Variants in COMMD1 observed in about 807,000 individuals in gnomAD.
The protein encoded by COMMD1 is copper metabolism domain containing 1, also known as COMM domain-containing protein 1.
Under a neutral mutation model 17.2 loss-of-function variants are expected in COMMD1, and 10 were observed. That is an observed-to-expected ratio of 0.58 (90% confidence interval 0.36 to 0.99). The LOEUF is 0.99. COMMD1 is among the 50% of genes least tolerant of loss of function. The probability of loss-of-function intolerance (pLI) is 0.01; values close to 1 mark genes in which losing one functional copy is unlikely to be tolerated. For missense variants in COMMD1, 270 were observed against 231.8 expected (o/e 1.17, Z -1.07); for synonymous variants, 97 against 91.6 (o/e 1.06, Z -0.34).
intron 1 of COMMD1, among the ~76,000 whole-genome samples, chr2:61,907,890 C>T (rs1669812367): frequency 6.6e-6 from 1 of 152,074 alleles, no homozygotes; most frequent in Admixed American, 6.6e-5. Flanking sequence ...AGGGTTTCAC[C>T]ATGTTGGCCA....
intron 2 of COMMD1, among the ~76,000 whole-genome samples, chr2:62,129,687 T>C (rs572642913): frequency 1.3e-5 from 2 of 152,358 alleles, no homozygotes; most frequent in Non-Finnish European, 2.9e-5. Flanking sequence ...ATTGCCAATT[T>C]TAATGTCTGC....
rs764453026 is a variant in COMMD1, at chr2:62,135,821, T to C, written c.463-10T>C. On this transcript the variant is annotated splice_polypyrimidine_tract_variant and intron_variant, in intron 2 of 2. Transcript: ENST00000311832. ...GGTTTCCCTCTAAAATATCCTTTTA[T>C]GTTTTCCAGGAATCTGAATTTCTGT... The C allele has an allele frequency of 7.2e-7, 1 of 1,379,958 alleles. No individual in the cohort carries two copies. Among genetic ancestry groups the C allele is most frequent in the Non-Finnish European group, 1.0e-6 (1 of 965,610 alleles). 85.5% of individuals were successfully genotyped at this position (1,379,958 alleles called of 1,614,324 possible). A position where few individuals can be genotyped will look rare whatever the true frequency, so the allele number is the denominator to read the frequency against.
intron 2 of COMMD1, among the ~76,000 whole-genome samples, chr2:62,004,887 C>T (rs748419149): frequency 2.6e-5 from 4 of 152,188 alleles, no homozygotes; most frequent in East Asian, 1.9e-4. Flanking sequence ...AGAGAATTAA[C>T]GATCCTAGGA....
At chr2:62,107,619 T>C (rs965211833) in intron 2 of COMMD1, among the ~76,000 whole-genome samples, 3 of 152,230 alleles carry the variant, frequency 2.0e-5, no homozygotes, top group African/African-American at 7.2e-5. Context: ...ACATTCTAAA[T>C]GTTTTTATTG....
intron 1 of COMMD1, among the ~76,000 whole-genome samples, chr2:61,936,783 T>C (rs763713019): frequency 6.6e-6 from 1 of 152,156 alleles, no homozygotes; most frequent in Non-Finnish European, 1.5e-5. Context: ...CTCATACAGA[T>C]ATGAACCCAA....
intron 2 of COMMD1, among the ~76,000 whole-genome samples, chr2:62,049,239 G>A (rs982402174): frequency 1.3e-5 from 2 of 150,616 alleles, no homozygotes; most frequent in Non-Finnish European, 2.9e-5. Context: ...CTCTCCTGGA[G>A]CTTTCAAAAG....
At chr2:62,003,633 C>G (rs188782359) in intron 2 of COMMD1, among the ~76,000 whole-genome samples, 70 of 151,454 alleles carry the variant, frequency 4.6e-4, no homozygotes, top group African/African-American at 1.7e-3. Context: ...CACACACACA[C>G]ACACACACCC....
intron 2 of COMMD1, among the ~76,000 whole-genome samples, chr2:62,087,608 TG>T (rs1671705774): frequency 1.3e-5 from 2 of 152,006 alleles, no homozygotes; most frequent in Non-Finnish European, 2.9e-5. Context: ...TAGTCAGGCA[TG>T]GGTGGCAGGA....
chr2:61,895,670 T>G (rs1454548021), intron 1 of COMMD1, among the ~76,000 whole-genome samples: 1 of 152,082 alleles, frequency 6.6e-6, no homozygotes, highest in Non-Finnish European at 1.5e-5. Flanking sequence ...CAGATTTCAC[T>G]TTTGCCTGTG....
chr2:62,135,185 C>T (rs185916735), intron 2 of COMMD1, among the ~76,000 whole-genome samples: 4 of 152,248 alleles, frequency 2.6e-5, no homozygotes, highest in Non-Finnish European at 4.4e-5. Flanking sequence ...CCTCTTTGTG[C>T]CTCAGGGTCC....
At chr2:62,113,766 C>T (rs889596012) in intron 2 of COMMD1, among the ~76,000 whole-genome samples, 1 of 152,226 alleles carries the variant, frequency 6.6e-6, no homozygotes, top group Admixed American at 6.5e-5. Flanking sequence ...TTGATTTAGC[C>T]TGCAGTTGTT....
chr2:62,056,305 T>A (rs1301620627), intron 2 of COMMD1, among the ~76,000 whole-genome samples: 1 of 152,234 alleles, frequency 6.6e-6, no homozygotes, highest in African/African-American at 2.4e-5. Flanking sequence ...AGGAGATAGA[T>A]GCAGAGCACA....
At chr2:62,130,409 C>G (rs1966820) in intron 2 of COMMD1, among the ~76,000 whole-genome samples, 45,906 of 151,718 alleles carry the variant, frequency 0.3, 7,078 homozygotes, top group Admixed American at 0.34. Context: ...CAAGTAGCTG[C>G]GATTACAGGT....
At chr2:62,066,840 C>T (rs764405778) in intron 2 of COMMD1, among the ~76,000 whole-genome samples, 3 of 151,742 alleles carry the variant, frequency 2.0e-5, no homozygotes, top group Non-Finnish European at 4.4e-5. Context: ...GTTCTTGTGC[C>T]TCAGCCTCCC....
At chr2:61,990,521 A>G (rs556892470) in intron 1 of COMMD1, among the ~76,000 whole-genome samples, 5 of 152,092 alleles carry the variant, frequency 3.3e-5, no homozygotes, top group Non-Finnish European at 7.4e-5. Flanking sequence ...GCCCCTATGG[A>G]TTAGTCAATT....
intron 1 of COMMD1, among the ~76,000 whole-genome samples, chr2:61,989,287 G>C (rs1672183695): frequency 6.6e-6 from 1 of 152,060 alleles, no homozygotes; most frequent in Non-Finnish European, 1.5e-5. Flanking sequence ...ACTATCCAAA[G>C]TCTGTAATTT....
chr2:62,005,925 G>T (rs1203132478), intron 2 of COMMD1, among the ~76,000 whole-genome samples: 1 of 151,820 alleles, frequency 6.6e-6, no homozygotes, highest in Non-Finnish European at 1.5e-5. Flanking sequence ...ATTCACAATA[G>T]CAAAGACTTG....
chr2:62,065,119 G>C (rs1376719095), intron 2 of COMMD1, among the ~76,000 whole-genome samples: 1 of 152,136 alleles, frequency 6.6e-6, no homozygotes, highest in Non-Finnish European at 1.5e-5. Flanking sequence ...TGAGGCTGTG[G>C]TGAGCCAAGA....
intron 2 of COMMD1, among the ~76,000 whole-genome samples, chr2:62,043,733 C>G (rs1206733780): frequency 6.6e-6 from 1 of 152,128 alleles, no homozygotes; most frequent in African/African-American, 2.4e-5. Context: ...AGAAAGTTAG[C>G]TGTTCTGAGA....
Sources: allele counts gnomAD v4.1 joint callset (sites outside exome capture counted in the v4.1 genomes callset), GRCh38; gene constraint gnomAD v4.1.1; transcripts MANE v1.5; gene names NCBI Gene and HGNC (gene_info 2026-07-23, HGNC 2026-07-21).